The following ABCA4 variants were observed in gnomAD, a reference collection of about 807,000 sequenced individuals.
The protein encoded by ABCA4 is retinal-specific phospholipid-transporting ATPase ABCA4.
ABCA4 carries 196 observed loss-of-function variants against 263.7 expected under a neutral mutation model. The observed-to-expected ratio is 0.74, with a 90% confidence interval of 0.66 to 0.84. The LOEUF (loss-of-function observed/expected upper bound fraction) is 0.84, where lower values mean the gene tolerates loss of function less well. ABCA4 is among the 40% of genes least tolerant of loss of function. The probability of loss-of-function intolerance (pLI) is 0.00; values close to 1 mark genes in which losing one functional copy is unlikely to be tolerated. For synonymous variants in ABCA4, 1,133 were observed against 1,094.2 expected, an observed-to-expected ratio of 1.04 and a Z score of -0.70; for missense variants, 2,792 against 2,855.1, an observed-to-expected ratio of 0.98 and a Z score of 0.50.
At chr1:94,001,792 AT>A in intron 45 of ABCA4, 65 bp downstream of exon 45, 2 of 1,612,288 alleles carry the variant, frequency 1.2e-6, no homozygotes, top group Non-Finnish European at 1.7e-6. Context: ...CCCAGAACCT[AT>A]TTCCCCAACC....
intron 30 of ABCA4, chr1:94,025,477 C>T (rs572395035): frequency 4.7e-4 from 135 of 288,446 alleles, no homozygotes; most frequent in Non-Finnish European, 7.0e-4. Flanking sequence ...TACTTATCCA[C>T]TCCAATAAAC....
At chr1:94,082,783 A>G (rs1661736250) in intron 7 of ABCA4, among the ~76,000 whole-genome samples, 1 of 152,200 alleles carries the variant, frequency 6.6e-6, no homozygotes, top group African/African-American at 2.4e-5. Flanking sequence ...TCATCATCAT[A>G]TCCCCAGCAC....
At chr1:94,043,022 G>A (rs1660562507) in intron 21 of ABCA4, 124 bp from the exon 22 acceptor site, 2 of 1,388,634 alleles carry the variant, frequency 1.4e-6, no homozygotes, top group South Asian at 1.2e-5. Flanking sequence ...CCTCTTAGAT[G>A]TTTATAGCGT....
chr1:94,004,495 C>G (rs61782235), intron 44 of ABCA4, among the ~76,000 whole-genome samples: 13,962 of 152,266 alleles, frequency 0.092, 828 homozygotes, highest in Non-Finnish European at 0.13. Flanking sequence ...TCCCCCGCTC[C>G]ACCCTGCCCA....
In ABCA4 at chr1:94,030,546, T is replaced by A; in HGVS notation, c.4254-20A>T. 6.2e-7 allele frequency: 1 copy of A among 1,610,782 alleles called. No homozygotes were observed. The highest frequency in any genetic ancestry group is 8.5e-7 in the Non-Finnish European group (1 of 1,176,932). ...TCCATGCTAGACAGAGTGAGACATG[T>A]GACTGGGACAGAGCAGGCGCGTGCC... On this transcript the variant is annotated intron_variant, in intron 28 of 49. Transcript: ENST00000370225.
At chr1:94,021,589 C>T (rs375024582) in intron 34 of ABCA4, 51 bp downstream of exon 34, 1 of 1,544,834 alleles carries the variant, frequency 6.5e-7, no homozygotes, top group Non-Finnish European at 8.9e-7. Flanking sequence ...ATAAAATAAC[C>T]AGCTCAGGTA....
In ABCA4 at chr1:94,056,721, G is replaced by T. The variant is rs375943659; in HGVS notation, c.2262C>A (p.Phe754Leu). ...TIMLCFLLST[F>L]FSKASLAAAC... ...CTGCTGCCAGACTGGCCTTGGAGAA[G>T]AAGGTGCTGAGCAGAAAGCACAGCA... Residue 754 changes from phenylalanine to leucine, a missense_variant, in exon 15 of 50, where the codon TTC becomes TTA. By Grantham distance (22) the Phe-to-Leu change is conservative. Transcript: ENST00000370225. 4 of 1,614,122 alleles carry T rather than the reference G, an allele frequency of 2.5e-6. No individual in the cohort carries two copies. The highest frequency in any genetic ancestry group is 1.7e-5 in the Admixed American group (1 of 60,016).
rs71094277 is a variant in ABCA4 at position 94,046,473 on chromosome 1, A to AAAAAAG, written c.2918+445_2918+446insCTTTTT. 6.3e-4 allele frequency among the ~76,000 whole-genome samples: 76 copies of AAAAAAG among 120,830 alleles called. 3 individuals are homozygous for AAAAAAG. The highest frequency in any genetic ancestry group is 1.2e-3 in the Non-Finnish European group (65 of 55,480). 79.3% of individuals were successfully genotyped at this position (120,830 alleles called of 152,430 possible). A position where few individuals can be genotyped will look rare whatever the true frequency, so the allele number is the denominator to read the frequency against. On this transcript the variant is annotated intron_variant, in intron 19 of 49. Coordinates refer to ENST00000370225, the MANE Select transcript of ABCA4 (RefSeq NM_000350.3). ...ACTATCTCAAAAAAAAAAAAAAAAA[A>AAAAAAG]AAAGAAAAGAAAAGAGAAAGGAAAT...
chr1:94,058,312 C>T (rs1661031821), intron 14 of ABCA4, among the ~76,000 whole-genome samples: 1 of 152,212 alleles, frequency 6.6e-6, no homozygotes, highest in African/African-American at 2.4e-5. Context: ...TGGATGGAAT[C>T]ACTTTAAGGT....
intron 48 of ABCA4, among the ~76,000 whole-genome samples, chr1:93,997,376 A>G (rs973745697): frequency 4.7e-5 from 7 of 148,326 alleles, no homozygotes; most frequent in African/African-American, 1.0e-4. Flanking sequence ...TCCTTCCTCA[A>G]CCTCCCATGT....
intron 6 of ABCA4, among the ~76,000 whole-genome samples, chr1:94,083,711 T>C (rs1661763240): frequency 6.6e-6 from 1 of 152,204 alleles, no homozygotes; most frequent in Non-Finnish European, 1.5e-5. Flanking sequence ...TTCAAAGTGA[T>C]TCTAATTGCT....
chr1:94,051,686 G>T lies in ABCA4; in HGVS notation c.2600C>A (p.Thr867Asn). The change falls in exon 17 of 50, where the codon ACC becomes AAC. Residue 867 changes from threonine (T) to asparagine (N), a missense_variant. Physicochemically the swap from Thr to Asn is moderately conservative, Grantham distance 65. Coordinates refer to ENST00000370225, the MANE Select transcript of ABCA4 (RefSeq NM_000350.3). The part of the protein sequence containing the change: ...LDQVFPGDYG[T>N]PLPWYFLLQE... ...TAGAAGAAAGTACCAAGGAAGTGGGGTTCCATAGTCTCCTAAAAATAGAGA... is the reference window on the plus strand; with the variant it reads ...TAGAAGAAAGTACCAAGGAAGTGGGTTTCCATAGTCTCCTAAAAATAGAGA... 1 of 1,613,782 alleles carries T rather than the reference G, an allele frequency of 6.2e-7. No individual in the cohort carries two copies.
intron 6 of ABCA4, among the ~76,000 whole-genome samples, chr1:94,093,867 G>A (rs1297049483): frequency 6.6e-6 from 1 of 152,158 alleles, no homozygotes; most frequent in Non-Finnish European, 1.5e-5. Context: ...GATGCAGGCA[G>A]AAAAAATACT....
intron 7 of ABCA4, among the ~76,000 whole-genome samples, chr1:94,082,645 G>C (rs1218242152): frequency 3.3e-5 from 5 of 152,160 alleles, no homozygotes; most frequent in Non-Finnish European, 7.3e-5. Context: ...GCGAATAATG[G>C]AGGGAGAAAA....
At chr1:94,095,749 G>GTTTTT (rs4147879) in intron 6 of ABCA4, among the ~76,000 whole-genome samples, 1 of 136,962 alleles carries the variant, frequency 7.3e-6, no homozygotes, top group African/African-American at 2.7e-5. Context: ...TTTCTTTCAG[G>GTTTTT]TTTTTTTTTT....
intron 17 of ABCA4, among the ~76,000 whole-genome samples, chr1:94,049,288 C>T (rs568628530): frequency 4.5e-4 from 68 of 152,290 alleles, no homozygotes; most frequent in African/African-American, 1.5e-3. Flanking sequence ...GCACATTTTA[C>T]TCCAATACAA....
At chr1:94,021,804 CA>C (rs780427992) in intron 33 of ABCA4, 41 bp downstream of exon 33, 36 of 1,608,314 alleles carry the variant, frequency 2.2e-5, no homozygotes, top group Non-Finnish European at 2.9e-5. Context: ...GGTAGTTAAG[CA>C]AGTCAAAAAT....
intron 11 of ABCA4, among the ~76,000 whole-genome samples, chr1:94,066,405 A>G (rs1414078729): frequency 2.0e-5 from 3 of 152,274 alleles, no homozygotes; most frequent in African/African-American, 7.2e-5. Context: ...AACTGCATAT[A>G]GAGAATTTTA....
At chr1:94,021,091 C>G in intron 35 of ABCA4, 149 bp downstream of exon 35, 4 of 1,086,046 alleles carry the variant, frequency 3.7e-6, no homozygotes, top group Non-Finnish European at 2.8e-6. Context: ...GTGTGAGGCA[C>G]TTATTTGAAA....
Sources: allele counts gnomAD v4.1 joint callset (sites outside exome capture counted in the v4.1 genomes callset), GRCh38; gene constraint gnomAD v4.1.1; transcripts MANE v1.5; gene names NCBI Gene and HGNC (gene_info 2026-07-23, HGNC 2026-07-21).